The following TOP2B variants were observed in gnomAD, a reference collection of about 807,000 sequenced individuals.
TOP2B encodes DNA topoisomerase II beta, also known as DNA topoisomerase 2-beta.
In TOP2B, 51 loss-of-function variants were observed where a neutral mutation model predicts 193.5. The observed-to-expected ratio is 0.26, with a 90% confidence interval of 0.21 to 0.33. TOP2B has a LOEUF of 0.33. Among genes scored for constraint, TOP2B ranks in the 10% least tolerant of loss-of-function variants. The probability of loss-of-function intolerance (pLI) is 1.00; values close to 1 mark genes in which losing one functional copy is unlikely to be tolerated. For synonymous variants in TOP2B, 634 were observed against 635.7 expected, an observed-to-expected ratio of 1.00 and a Z score of 0.04; for missense variants, 1,378 against 1,909.3, an observed-to-expected ratio of 0.72 and a Z score of 5.19.
chr3:25,638,040 T>C (rs1277357786), intron 5 of TOP2B, 125 bp downstream of exon 5: 12 of 918,360 alleles, frequency 1.3e-5, no homozygotes, highest in East Asian at 8.3e-5. Context: ...TTATACATGA[T>C]AGTTTATAAA....
intron 18 of TOP2B, 116 bp downstream of exon 18, chr3:25,626,444 T>G (rs1181574669): frequency 3.6e-6 from 2 of 560,436 alleles, no homozygotes; most frequent in African/African-American, 2.0e-5. Context: ...AATAAGCTCT[T>G]CATATACAAG....
rs762917003 is a variant in TOP2B, at chr3:25,632,808, A to T, written c.1027-14T>A. 5.6e-6 allele frequency: 9 copies of T among 1,599,116 alleles called. No homozygotes were observed. Among genetic ancestry groups the T allele is most frequent in the Non-Finnish European group, 6.8e-6 (8 of 1,168,706 alleles). ...GTGCCGTCCACCCTAAAGAAAAAAA[A>T]ATATATGAAATCTGAAATCCTGTAT... On this transcript the variant is annotated splice_polypyrimidine_tract_variant and intron_variant, in intron 8 of 35. Transcript: ENST00000264331.
intron 1 of TOP2B, among the ~76,000 whole-genome samples, chr3:25,657,212 T>C (rs1282827283): frequency 1.3e-5 from 2 of 152,188 alleles, no homozygotes; most frequent in Non-Finnish European, 2.9e-5. Flanking sequence ...AACTCCTGTT[T>C]GTCAGCAGAA....
At chr3:25,618,153 C>T in intron 25 of TOP2B, 1 of 383,406 alleles carries the variant, frequency 2.6e-6, no homozygotes. Context: ...GAAAAAAGGT[C>T]AAGGAGACTG....
chr3:25,626,658 G>A lies in TOP2B; in HGVS notation c.2126C>T (p.Thr709Ile). Residue 709 changes from threonine (T) to isoleucine (I), a missense_variant, in exon 18 of 36, where the codon ACT becomes ATT. Transcript: ENST00000264331. The part of the protein sequence containing the change: ...HGLPEQFLYG[T>I]ATKHLTYNDF... Reference sequence around the variant, plus strand: ...ATTATAAGTCAAATGCTTTGTTGCAGTACCATATAAAAATTGCTAAGAGAA... The same window carrying A: ...ATTATAAGTCAAATGCTTTGTTGCAATACCATATAAAAATTGCTAAGAGAA... 1 of 1,533,018 alleles carries A rather than the reference G, an allele frequency of 6.5e-7. No individual in the cohort carries two copies. Among genetic ancestry groups the A allele is most frequent in the Non-Finnish European group, 8.8e-7 (1 of 1,141,132 alleles). The allele number at this position is 1,533,018 out of a possible 1,614,324, so 95.0% of individuals were successfully genotyped here.
At chr3:25,635,791 C>A in intron 7 of TOP2B, 145 bp downstream of exon 7, 1 of 618,242 alleles carries the variant, frequency 1.6e-6, no homozygotes, top group Non-Finnish European at 2.7e-6. Context: ...AAATAATGGC[C>A]AAATGTATCA....
rs141006227 is a variant in TOP2B at position 25,620,495 on chromosome 3, C to G, written c.2862+187G>C. 3.3e-5 allele frequency among the ~76,000 whole-genome samples: 5 copies of G among 152,230 alleles called. No homozygotes were observed. In the East Asian group the frequency reaches 7.7e-4, roughly 23 times the overall value. ...AAAGCCTTACCTAACATAAGTCATA[C>G]TACGCTACTTAGATATAAATACTAT... On this transcript the variant is annotated intron_variant, in intron 22 of 35. Coordinates refer to ENST00000264331, the MANE Select transcript of TOP2B (RefSeq NM_001330700.2).
At chr3:25,616,599 G>C (rs1000433774) in intron 25 of TOP2B, among the ~76,000 whole-genome samples, 8 of 151,894 alleles carry the variant, frequency 5.3e-5, no homozygotes, top group Non-Finnish European at 8.8e-5. Context: ...TGCTATTGTT[G>C]AGTTGATAGA....
chr3:25,628,364 A>G (rs1702865526), intron 15 of TOP2B, among the ~76,000 whole-genome samples: 1 of 133,956 alleles, frequency 7.5e-6, no homozygotes, highest in Non-Finnish European at 1.6e-5. Context: ...AGTCCCAGCT[A>G]CTTGCGGGGG....
chr3:25,612,851 T>A (rs1052540586), intron 27 of TOP2B, 142 bp from the exon 28 acceptor site: 3 of 597,626 alleles, frequency 5.0e-6, no homozygotes, highest in African/African-American at 3.7e-5. Flanking sequence ...CAAGATTAAA[T>A]AATGGAAAAA....
intron 1 of TOP2B, among the ~76,000 whole-genome samples, chr3:25,660,980 G>A (rs1025594146): frequency 6.6e-5 from 10 of 151,200 alleles, no homozygotes; most frequent in African/African-American, 2.0e-4. Context: ...AAGGGATAAA[G>A]TGGGTGGTCT....
At chr3:25,630,667 GATA>G (rs1230542432) in intron 11 of TOP2B, 131 bp downstream of exon 11, 1 of 946,538 alleles carries the variant, frequency 1.1e-6, no homozygotes, top group Admixed American at 3.5e-5. Flanking sequence ...TTGTGTATGT[GATA>G]ATTTCAATGA....
At chr3:25,627,405 C>T (rs1702832713) in intron 15 of TOP2B, 109 bp from the exon 16 acceptor site, 2 of 611,082 alleles carry the variant, frequency 3.3e-6, no homozygotes, top group African/African-American at 1.9e-5. Context: ...GCTGGCAACA[C>T]CTATACTAAG....
At chr3:25,643,377 C>T (rs1703317872) in intron 3 of TOP2B, among the ~76,000 whole-genome samples, 1 of 152,180 alleles carries the variant, frequency 6.6e-6, no homozygotes, top group South Asian at 2.1e-4. Context: ...CTGTCATCTC[C>T]ATATTCAAGA....
Position 25,664,293 on chromosome 3 carries a change from G to A in TOP2B, c.5C>T (p.Ala2Val), listed in dbSNP as rs1374710745. ...TCCCGCGCCGCAGCCACCCGACTTGGCCATGGCGAGTGCCTCCAGCTCACA... is the reference window on the plus strand; with the variant it reads ...TCCCGCGCCGCAGCCACCCGACTTGACCATGGCGAGTGCCTCCAGCTCACA... Reference protein sequence around the residue: MAKSGGCGAGAG... With the variant: MVKSGGCGAGAG... Residue 2 changes from alanine (A) to valine (V), a missense_variant, in exon 1 of 36, where the codon GCC becomes GTC. Around this residue, in one of 9 missense-constraint regions of TOP2B, gnomAD observed 83 missense variants for 59.3 expected, o/e 1.40. Coordinates refer to ENST00000264331, the MANE Select transcript of TOP2B (RefSeq NM_001330700.2). 1.3e-6 allele frequency: 2 copies of A among 1,532,434 alleles called. No homozygotes were observed. Among genetic ancestry groups the A allele is most frequent in the Non-Finnish European group, 8.7e-7 (1 of 1,144,700 alleles). 94.9% of individuals were successfully genotyped at this position (1,532,434 alleles called of 1,614,324 possible). A position where few individuals can be genotyped will look rare whatever the true frequency, so the allele number is the denominator to read the frequency against.
At chr3:25,624,230 T>G (rs1702737711) in intron 20 of TOP2B, 67 bp downstream of exon 20, 4 of 1,554,044 alleles carry the variant, frequency 2.6e-6, no homozygotes, top group Non-Finnish European at 2.6e-6. Context: ...TATAATTCCA[T>G]CGAACATTTA....
intron 34 of TOP2B, 117 bp from the exon 35 acceptor site, chr3:25,599,646 T>C: frequency 1.1e-6 from 1 of 911,458 alleles, no homozygotes; most frequent in Non-Finnish European, 1.6e-6. Context: ...ATTGCAGTCC[T>C]GATCTCTTAC....
intron 1 of TOP2B, among the ~76,000 whole-genome samples, chr3:25,653,581 C>T (rs1016828156): frequency 1.3e-5 from 2 of 151,946 alleles, no homozygotes; most frequent in African/African-American, 4.8e-5. Context: ...AACTGTGTGC[C>T]TCCACACCTG....
chr3:25,639,326 T>G (rs1301554221), intron 4 of TOP2B, among the ~76,000 whole-genome samples: 1 of 152,246 alleles, frequency 6.6e-6, no homozygotes, highest in Non-Finnish European at 1.5e-5. Context: ...TGTTTTTGTT[T>G]GAGATAGAGT....
Sources: gnomAD v4.1 joint callset for allele counts (sites outside exome capture counted in the v4.1 genomes callset) on GRCh38, gnomAD v4.1.1 for gene constraint, gnomAD v4.1.1 regional missense constraint, MANE v1.5 for transcripts, NCBI Gene and HGNC (gene_info 2026-07-23, HGNC 2026-07-21) for gene names.